Variants in ARF4 observed in about 807,000 individuals in gnomAD.
ARF4 encodes the protein ARF GTPase 4.
Under a neutral mutation model 24.3 loss-of-function variants are expected in ARF4, and 5 were observed. The ratio of observed to expected loss-of-function variants is 0.21; its 90% confidence interval spans 0.11 to 0.43. The LOEUF (loss-of-function observed/expected upper bound fraction) is 0.43. Among genes scored for constraint, ARF4 ranks in the 20% least tolerant of loss-of-function variants. ARF4 has a pLI of 1.00. For missense variants in ARF4, 107 were observed against 213.0 expected, an observed-to-expected ratio of 0.50 and a Z score of 3.10; for synonymous variants, 62 against 73.5, an observed-to-expected ratio of 0.84 and a Z score of 0.80.
At chr3:57,584,525 T>C in intron 1 of ARF4, 61 bp from the exon 2 acceptor site, 1 of 1,396,640 alleles carries the variant, frequency 7.2e-7, no homozygotes. Flanking sequence ...GAAATAATTT[T>C]ACAATAAATT....
rs190088445 is a variant in ARF4, at chr3:57,572,924, C to T, written c.457-626G>A. 4.8e-4 allele frequency among the ~76,000 whole-genome samples: 73 copies of T among 151,024 alleles called. 1 individual carries two copies. Among genetic ancestry groups the T allele is most frequent in the African/African-American group, 1.7e-3 (72 of 41,152 alleles). ...TTTGAAAGAGTAGGGTTTGTTAGGC[C>T]GGGCGTGGTGGCTCACACCTGTAAT... On this transcript the variant is annotated intron_variant, in intron 5 of 5. Coordinates refer to ENST00000303436, the MANE Select transcript of ARF4 (RefSeq NM_001660.4).
chr3:57,574,682 C>T (rs1173233547), intron 5 of ARF4, among the ~76,000 whole-genome samples: 2 of 151,994 alleles, frequency 1.3e-5, no homozygotes, highest in South Asian at 2.1e-4. Context: ...ATTGGGATTA[C>T]GGGTGTGAGC....
chr3:57,586,995 A>C (rs1047271103), intron 1 of ARF4, among the ~76,000 whole-genome samples: 5 of 152,068 alleles, frequency 3.3e-5, no homozygotes, highest in African/African-American at 1.2e-4. Flanking sequence ...TTATCACCGG[A>C]GGTCCAACTG....
chr3:57,593,547 A>G (rs1195771472), intron 1 of ARF4, among the ~76,000 whole-genome samples: 1 of 152,250 alleles, frequency 6.6e-6, no homozygotes, highest in Non-Finnish European at 1.5e-5. Flanking sequence ...CACTACACTG[A>G]TATCAGCAAA....
At chr3:57,581,023 C>T (rs898520799) in intron 3 of ARF4, among the ~76,000 whole-genome samples, 3 of 152,118 alleles carry the variant, frequency 2.0e-5, no homozygotes, top group African/African-American at 7.2e-5. Flanking sequence ...AGCCTAGAAT[C>T]AAGAGTGAAG....
chr3:57,576,609 C>A (rs1021143187), intron 4 of ARF4, among the ~76,000 whole-genome samples: 1 of 143,466 alleles, frequency 7.0e-6, no homozygotes, highest in Non-Finnish European at 1.5e-5. Flanking sequence ...AATGGTTTTA[C>A]AAACTGCCCT....
At chr3:57,596,907 G>C (rs2070195657) in intron 1 of ARF4, 167 bp downstream of exon 1, 1 of 657,706 alleles carries the variant, frequency 1.5e-6, no homozygotes, top group South Asian at 1.9e-5. Context: ...GGGGGGGATC[G>C]CTCACCCTCC....
intron 3 of ARF4, among the ~76,000 whole-genome samples, chr3:57,581,078 T>C (rs1051688077): frequency 2.6e-5 from 4 of 152,212 alleles, no homozygotes; most frequent in Admixed American, 6.5e-5. Flanking sequence ...ATGAAATTAT[T>C]TGAAAAGCCA....
At chr3:57,587,770 C>T (rs1029089930) in intron 1 of ARF4, among the ~76,000 whole-genome samples, 2 of 151,984 alleles carry the variant, frequency 1.3e-5, no homozygotes, top group East Asian at 1.9e-4. Context: ...AAAAATAATG[C>T]GCCCATAATG....
At chr3:57,585,932 G>C (rs991810135) in intron 1 of ARF4, among the ~76,000 whole-genome samples, 2 of 152,118 alleles carry the variant, frequency 1.3e-5, no homozygotes, top group Admixed American at 6.6e-5. Flanking sequence ...AAAGTGCTGT[G>C]ATTACAGATG....
In ARF4 at chr3:57,579,411, C is replaced by T. The variant is rs373337788; in HGVS notation, c.259-2024G>A. Among the ~76,000 whole-genome samples the T allele has an allele frequency of 5.3e-5, 8 of 152,014 alleles. No homozygotes were observed. In the East Asian group the frequency reaches 1.6e-3, roughly 29 times the overall value. On this transcript the variant is annotated intron_variant, in intron 3 of 5. Transcript: ENST00000303436. ...CAAATAATTCTCCTGCCTCAGCCTC[C>T]TGAGTAGCTGAGATTACAGGCGCCC...
chr3:57,591,209 A>C (rs2070112217), intron 1 of ARF4, among the ~76,000 whole-genome samples: 1 of 152,130 alleles, frequency 6.6e-6, no homozygotes, highest in African/African-American at 2.4e-5. Flanking sequence ...TTCCGCTCCT[A>C]AGTATTTATC....
At chr3:57,576,236 G>C (rs1277240677) in intron 4 of ARF4, among the ~76,000 whole-genome samples, 1 of 152,106 alleles carries the variant, frequency 6.6e-6, no homozygotes, top group Non-Finnish European at 1.5e-5. Context: ...AGTCACAAAA[G>C]AACACATTGT....
chr3:57,592,549 T>C (rs6767123), intron 1 of ARF4, among the ~76,000 whole-genome samples: 2 of 151,952 alleles, frequency 1.3e-5, no homozygotes, highest in East Asian at 3.8e-4. Flanking sequence ...AGGCCACCAG[T>C]TATACGGAAA....
At chr3:57,596,256 T>C (rs2070181039) in intron 1 of ARF4, among the ~76,000 whole-genome samples, 1 of 152,292 alleles carries the variant, frequency 6.6e-6, no homozygotes, top group South Asian at 2.1e-4. Context: ...ACCATAAAAT[T>C]CAGCGTCATG....
chr3:57,581,957 A>C (rs2153408836), intron 3 of ARF4, among the ~76,000 whole-genome samples: 1 of 152,320 alleles, frequency 6.6e-6, no homozygotes, highest in South Asian at 2.1e-4. Flanking sequence ...TTAATCCAAA[A>C]ATCCAAATCC....
chr3:57,591,672 G>T (rs1262323299), intron 1 of ARF4, among the ~76,000 whole-genome samples: 1 of 152,022 alleles, frequency 6.6e-6, no homozygotes, highest in Non-Finnish European at 1.5e-5. Flanking sequence ...TCACTATGTT[G>T]TCCAGGCTGG....
At chr3:57,583,843 C>T in intron 3 of ARF4, 55 bp downstream of exon 3, 2 of 1,277,834 alleles carry the variant, frequency 1.6e-6, no homozygotes, top group Non-Finnish European at 1.1e-6. Flanking sequence ...CTAATAAAAA[C>T]TTTAGAGCAT....
chr3:57,573,394 T>C (rs1028407278), intron 5 of ARF4, among the ~76,000 whole-genome samples: 1 of 152,120 alleles, frequency 6.6e-6, no homozygotes, highest in African/African-American at 2.4e-5. Context: ...ATTTAAGGCA[T>C]AGTTTACTTT....
Sources: gnomAD v4.1 joint callset for allele counts (sites outside exome capture counted in the v4.1 genomes callset) on GRCh38, gnomAD v4.1.1 for gene constraint, MANE v1.5 for transcripts, NCBI Gene and HGNC (gene_info 2026-07-23, HGNC 2026-07-21) for gene names.